Variants in RBFOX1 observed in about 807,000 individuals in gnomAD.
RBFOX1 encodes RNA binding fox-1 homolog 1, also known as RNA binding protein fox-1 homolog 1.
RBFOX1 carries 8 observed loss-of-function variants against 57.7 expected under a neutral mutation model. The observed-to-expected ratio is 0.14, with a 90% CI of 0.08 to 0.25. RBFOX1 has a LOEUF of 0.25. Ranked by LOEUF, RBFOX1 falls within the 10% of genes least tolerant of loss-of-function variation. The probability of loss-of-function intolerance (pLI) is 1.00; values close to 1 mark genes in which losing one functional copy is unlikely to be tolerated. For synonymous variants in RBFOX1, 326 were observed against 222.4 expected, an observed-to-expected ratio of 1.47 and a Z score of -4.15; for missense variants, 611 against 548.5, an observed-to-expected ratio of 1.11 and a Z score of -1.14.
At chr16:7,250,239 A>T (rs1319299629) in intron 4 of RBFOX1, among the ~76,000 whole-genome samples, 1 of 152,200 alleles carries the variant, frequency 6.6e-6, no homozygotes, top group African/African-American at 2.4e-5. Context: ...CTTAGTAGAC[A>T]TTTGTGGATT....
intron 11 of RBFOX1, among the ~76,000 whole-genome samples, chr16:7,634,428 C>G (rs1055899004): frequency 6.7e-6 from 1 of 150,162 alleles, no homozygotes; most frequent in Non-Finnish European, 1.5e-5. Context: ...TCTTCCTAGT[C>G]AAATAGCTAA....
chr16:5,631,392 A>T (rs1259497359), intron 3 of RBFOX1, among the ~76,000 whole-genome samples: 1 of 152,118 alleles, frequency 6.6e-6, no homozygotes, highest in South Asian at 2.1e-4. Context: ...CTCCATCTCT[A>T]TTAAAAATAC....
At chr16:5,857,741 G>A (rs1323809717) in intron 3 of RBFOX1, among the ~76,000 whole-genome samples, 1 of 151,792 alleles carries the variant, frequency 6.6e-6, no homozygotes, top group Non-Finnish European at 1.5e-5. Flanking sequence ...GGGCAATATA[G>A]AGAAACCCTG....
chr16:5,474,501 A>G (rs894983874), intron 2 of RBFOX1, among the ~76,000 whole-genome samples: 4 of 152,276 alleles, frequency 2.6e-5, no homozygotes, highest in Admixed American at 2.6e-4. Context: ...TAAAAATACA[A>G]AAACTAGCCA....
intron 2 of RBFOX1, among the ~76,000 whole-genome samples, chr16:5,478,731 C>G (rs1196134982): frequency 2.6e-5 from 4 of 152,160 alleles, no homozygotes; most frequent in Non-Finnish European, 5.9e-5. Context: ...CAGCACGAGG[C>G]ACCTTTTCCC....
chr16:6,744,583 A>C (rs2073118644), intron 3 of RBFOX1, among the ~76,000 whole-genome samples: 1 of 152,122 alleles, frequency 6.6e-6, no homozygotes, highest in South Asian at 2.1e-4. Flanking sequence ...GCCACACTTT[A>C]ATAAATAACC....
intron 4 of RBFOX1, among the ~76,000 whole-genome samples, chr16:7,316,313 A>T (rs143799052): frequency 5.3e-5 from 8 of 152,300 alleles, no homozygotes; most frequent in Admixed American, 3.3e-4. Context: ...GAGAAATGCT[A>T]TGTTTTTACC....
chr16:6,047,858 A>C (rs1262619731), intron 1 of RBFOX1, among the ~76,000 whole-genome samples: 1 of 152,186 alleles, frequency 6.6e-6, no homozygotes, highest in African/African-American at 2.4e-5. Flanking sequence ...TGAAAAAAAT[A>C]AGTGTTTAGA....
chr16:5,660,287 C>G (rs1291072662), intron 3 of RBFOX1, among the ~76,000 whole-genome samples: 1 of 152,156 alleles, frequency 6.6e-6, no homozygotes, highest in Non-Finnish European at 1.5e-5. Flanking sequence ...AACCCTAGAT[C>G]CCTGTTGAGT....
At chr16:7,536,072 G>A (rs566836316) in intron 5 of RBFOX1, among the ~76,000 whole-genome samples, 1 of 152,144 alleles carries the variant, frequency 6.6e-6, no homozygotes, top group East Asian at 1.9e-4. Context: ...CCAGCCATCT[G>A]TATCCACCAG....
At chr16:7,222,840 C>T (rs1045144876) in intron 4 of RBFOX1, among the ~76,000 whole-genome samples, 1 of 152,184 alleles carries the variant, frequency 6.6e-6, no homozygotes, top group African/African-American at 2.4e-5. Context: ...TGCAGTGTTC[C>T]ATTTACAGGC....
intron 4 of RBFOX1, among the ~76,000 whole-genome samples, chr16:7,375,932 G>A (rs1412299569): frequency 6.6e-6 from 1 of 152,202 alleles, no homozygotes; most frequent in African/African-American, 2.4e-5. Context: ...TAAATGCGAA[G>A]TAAAGGGGAA....
At chr16:6,439,114 G>A (rs2094311469) in intron 2 of RBFOX1, among the ~76,000 whole-genome samples, 2 of 152,118 alleles carry the variant, frequency 1.3e-5, no homozygotes, top group Non-Finnish European at 2.9e-5. Context: ...ATGCACTCAA[G>A]GGCAGCTGGA....
At chr16:6,735,437 G>A (rs12597306) in intron 3 of RBFOX1, among the ~76,000 whole-genome samples, 109,570 of 152,106 alleles carry the variant, frequency 0.72, 40,105 homozygotes, top group Non-Finnish European at 0.8. Context: ...ATATTTTTCT[G>A]TCTTAGTCTC....
chr16:6,793,300 A>G (rs960544687), intron 3 of RBFOX1, among the ~76,000 whole-genome samples: 2 of 152,180 alleles, frequency 1.3e-5, no homozygotes, highest in African/African-American at 4.8e-5. Context: ...TTTACATAAA[A>G]TTTTTAAAGT....
intron 1 of RBFOX1, among the ~76,000 whole-genome samples, chr16:6,225,085 G>C (rs191577218): frequency 6.6e-6 from 1 of 151,622 alleles, no homozygotes; most frequent in African/African-American, 2.4e-5. Flanking sequence ...CCAGTCCTGT[G>C]TAGGCTCCTT....
At chr16:5,797,227 A>C (rs1235039914) in intron 3 of RBFOX1, among the ~76,000 whole-genome samples, 2 of 152,080 alleles carry the variant, frequency 1.3e-5, no homozygotes, top group Non-Finnish European at 2.9e-5. Context: ...ACTATTCTTT[A>C]CCTTTTGGAT....
chr16:5,631,325 G>C (rs1215003075), intron 3 of RBFOX1, among the ~76,000 whole-genome samples: 1 of 152,250 alleles, frequency 6.6e-6, no homozygotes, highest in East Asian at 1.9e-4. Flanking sequence ...TTGGGAAGCC[G>C]AGGCAGGTGG....
chr16:5,910,961 C>T (rs1003013598), intron 4 of RBFOX1, among the ~76,000 whole-genome samples: 28 of 152,316 alleles, frequency 1.8e-4, no homozygotes, highest in African/African-American at 5.8e-4. Flanking sequence ...GATCAAGCTT[C>T]GTTTACCCAG....
Sources: gnomAD v4.1 joint callset for allele counts (sites outside exome capture counted in the v4.1 genomes callset) on GRCh38, gnomAD v4.1.1 for gene constraint, MANE v1.5 for transcripts, NCBI Gene and HGNC (gene_info 2026-07-23, HGNC 2026-07-21) for gene names.